The following PABPC4L variants were observed in gnomAD, a reference collection of about 807,000 sequenced individuals.
The protein encoded by PABPC4L is poly(A) binding protein cytoplasmic 4 like.
For missense variants in PABPC4L, 452 were observed against 451.4 expected, an observed-to-expected ratio of 1.00 and a Z score of -0.01; for synonymous variants, 169 against 164.1, an observed-to-expected ratio of 1.03 and a Z score of -0.23.
chr4:133,966,672 C>T, the PABPC4L span, among the ~76,000 whole-genome samples: 2 of 152,096 alleles, frequency 1.3e-5, no homozygotes, highest in Non-Finnish European at 2.9e-5. Flanking sequence ...CTGGATGAGA[C>T]TGGAGACTAT....
the PABPC4L span, among the ~76,000 whole-genome samples, chr4:134,167,981 A>G: frequency 1.3e-5 from 2 of 152,058 alleles, no homozygotes; most frequent in Non-Finnish European, 2.9e-5. Context: ...ACAGCAGCCA[A>G]CTTCACATTC....
At chr4:134,090,897 C>T in the PABPC4L span, among the ~76,000 whole-genome samples, 78 of 152,118 alleles carry the variant, frequency 5.1e-4, no homozygotes, top group African/African-American at 1.9e-3. Flanking sequence ...TTTTCTATTG[C>T]ATTTCCATAA....
chr4:134,180,755 T>C, the PABPC4L span, among the ~76,000 whole-genome samples: 1 of 151,844 alleles, frequency 6.6e-6, no homozygotes, highest in African/African-American at 2.4e-5. Context: ...TAAAAACCTC[T>C]GTGTACACAA....
chr4:134,070,915 G>A, the PABPC4L span, among the ~76,000 whole-genome samples: 3 of 152,150 alleles, frequency 2.0e-5, no homozygotes, highest in East Asian at 3.9e-4. Context: ...CTCCAGGTCC[G>A]ACATTCTCCA....
chr4:133,951,575 A>G, the PABPC4L span, among the ~76,000 whole-genome samples: 1 of 152,134 alleles, frequency 6.6e-6, no homozygotes, highest in Admixed American at 6.5e-5. Flanking sequence ...TTGGAGATAA[A>G]AGCAACAGGT....
the PABPC4L span, among the ~76,000 whole-genome samples, chr4:134,163,583 T>C: frequency 6.6e-6 from 1 of 151,970 alleles, no homozygotes; most frequent in Non-Finnish European, 1.5e-5. Context: ...CTGATGAACA[T>C]AGATGCAAAA....
the PABPC4L span, among the ~76,000 whole-genome samples, chr4:133,961,876 G>T: frequency 6.6e-6 from 1 of 152,152 alleles, no homozygotes; most frequent in African/African-American, 2.4e-5. Context: ...TAAGTGCCCA[G>T]GGTTTGTCCT....
chr4:134,073,705 A>G, the PABPC4L span, among the ~76,000 whole-genome samples: 5 of 152,142 alleles, frequency 3.3e-5, 1 homozygote, highest in Non-Finnish European at 5.9e-5. Flanking sequence ...AAGCATTTCC[A>G]TATATCTCTG....
At chr4:134,102,900 T>C in the PABPC4L span, among the ~76,000 whole-genome samples, 2 of 151,534 alleles carry the variant, frequency 1.3e-5, no homozygotes, top group East Asian at 3.9e-4. Flanking sequence ...GTATAATCCA[T>C]CTATTTCTAT....
At chr4:134,032,666 T>G in the PABPC4L span, among the ~76,000 whole-genome samples, 1 of 151,854 alleles carries the variant, frequency 6.6e-6, no homozygotes. Flanking sequence ...ATGCTTGATA[T>G]ATAGGTTTTA....
chr4:134,124,511 C>T, the PABPC4L span, among the ~76,000 whole-genome samples: 25 of 152,194 alleles, frequency 1.6e-4, no homozygotes, highest in African/African-American at 6.0e-4. Flanking sequence ...GAAGATCACC[C>T]TGTCTGTGTG....
the PABPC4L span, among the ~76,000 whole-genome samples, chr4:134,169,076 TCAA>T: frequency 2.6e-5 from 4 of 151,972 alleles, no homozygotes; most frequent in Admixed American, 2.6e-4. Flanking sequence ...CAAACTGAAT[TCAA>T]CAACTATTCA....
At chr4:133,993,100 G>T in the PABPC4L span, among the ~76,000 whole-genome samples, 2 of 152,056 alleles carry the variant, frequency 1.3e-5, no homozygotes, top group Admixed American at 6.6e-5. Flanking sequence ...CCATAAAACT[G>T]CAGGTTTTAT....
At chr4:134,187,342 A>G in the PABPC4L span, among the ~76,000 whole-genome samples, 10 of 152,110 alleles carry the variant, frequency 6.6e-5, no homozygotes, top group Admixed American at 2.6e-4. Context: ...GCACATATAC[A>G]CCATGGAATA....
chr4:134,055,122 G>C, the PABPC4L span, among the ~76,000 whole-genome samples: 2 of 151,918 alleles, frequency 1.3e-5, no homozygotes, highest in African/African-American at 2.4e-5. Context: ...TTTATATGCT[G>C]ATATGGATTG....
At chr4:134,087,102 A>G in the PABPC4L span, among the ~76,000 whole-genome samples, 2 of 152,058 alleles carry the variant, frequency 1.3e-5, no homozygotes, top group Non-Finnish European at 2.9e-5. Context: ...AGGACTATAA[A>G]TCATGCTGCT....
the PABPC4L span, among the ~76,000 whole-genome samples, chr4:134,172,498 G>A: frequency 6.6e-6 from 1 of 152,016 alleles, no homozygotes; most frequent in South Asian, 2.1e-4. Flanking sequence ...TACACCATAT[G>A]CAAAAATCAG....
At chr4:134,012,330 C>T in the PABPC4L span, among the ~76,000 whole-genome samples, 1 of 152,078 alleles carries the variant, frequency 6.6e-6, no homozygotes, top group South Asian at 2.1e-4. Context: ...GTGAAAATGG[C>T]CTGTTCCTGC....
the PABPC4L span, among the ~76,000 whole-genome samples, chr4:134,119,065 CTA>C: frequency 2.0e-5 from 3 of 151,630 alleles, no homozygotes; most frequent in African/African-American, 7.3e-5. Context: ...CACTGTGACA[CTA>C]TGTTTTATGC....
Sources: gnomAD v4.1 joint callset for allele counts (sites outside exome capture counted in the v4.1 genomes callset) on GRCh38, gnomAD v4.1.1 for gene constraint, MANE v1.5 for transcripts, NCBI Gene and HGNC (gene_info 2026-07-23, HGNC 2026-07-21) for gene names.